Variants in TJP1 observed in about 807,000 individuals in gnomAD.
The protein encoded by TJP1 is tight junction protein ZO-1.
TJP1 carries 43 observed loss-of-function variants against 194.2 expected under a neutral mutation model. That is an observed-to-expected ratio of 0.22 (90% CI 0.17 to 0.29). The LOEUF is 0.29. Among genes scored for constraint, TJP1 ranks in the 10% least tolerant of loss-of-function variants. TJP1 has a pLI of 1.00. For synonymous variants in TJP1, 801 were observed against 779.0 expected (o/e 1.03, Z -0.47); for missense variants, 1,971 against 2,185.7 (o/e 0.90, Z 1.96).
At chr15:29,891,041 A>G (rs985307960) in intron 2 of TJP1, among the ~76,000 whole-genome samples, 5 of 152,240 alleles carry the variant, frequency 3.3e-5, no homozygotes, top group Non-Finnish European at 5.9e-5. Context: ...CTAGAGCAGC[A>G]TCTTTTCCAA....
intron 15 of TJP1, among the ~76,000 whole-genome samples, chr15:29,729,856 T>C (rs1255389647): frequency 6.7e-6 from 1 of 150,138 alleles, no homozygotes; most frequent in Non-Finnish European, 1.5e-5. Context: ...GAGGGTCATA[T>C]AGTGCCAGTG....
intron 25 of TJP1, among the ~76,000 whole-genome samples, chr15:29,706,211 G>T (rs1701898173): frequency 6.6e-6 from 1 of 152,186 alleles, no homozygotes; most frequent in Non-Finnish European, 1.5e-5. Context: ...GAGGTTACAG[G>T]CGTGAGCCAC....
chr15:29,835,886 G>GGAAAGAGAGA (rs1370466322), intron 2 of TJP1, among the ~76,000 whole-genome samples: 2 of 151,100 alleles, frequency 1.3e-5, no homozygotes, highest in African/African-American at 2.5e-5. Context: ...AGATGGACGG[G>GGAAAGAGAGA]GAAAGAGAGA....
intron 1 of TJP1, among the ~76,000 whole-genome samples, chr15:29,803,177 T>C (rs2048898490): frequency 1.3e-5 from 2 of 152,196 alleles, no homozygotes; most frequent in African/African-American, 4.8e-5. Flanking sequence ...CCTGCTTTCC[T>C]TTCTCCATTC....
At chr15:29,860,322 G>A (rs190674030) in intron 2 of TJP1, among the ~76,000 whole-genome samples, 283 of 152,170 alleles carry the variant, frequency 1.9e-3, no homozygotes, top group African/African-American at 6.5e-3. Context: ...GTAATTACAG[G>A]ACACCTATGC....
chr15:29,834,425 G>C (rs1004139144), intron 2 of TJP1, among the ~76,000 whole-genome samples: 7 of 151,416 alleles, frequency 4.6e-5, no homozygotes, highest in African/African-American at 1.7e-4. Context: ...TCACCATCGT[G>C]GCCAGGCTGT....
intron 2 of TJP1, among the ~76,000 whole-genome samples, chr15:29,919,402 T>C (rs142814081): frequency 6.6e-6 from 1 of 152,238 alleles, no homozygotes; most frequent in African/African-American, 2.4e-5. Flanking sequence ...TACAACAGTG[T>C]TTTTTGTCTA....
chr15:29,813,277 AG>A (rs2049658767), intron 1 of TJP1, among the ~76,000 whole-genome samples: 14 of 152,216 alleles, frequency 9.2e-5, no homozygotes, highest in Admixed American at 9.2e-4. Flanking sequence ...AGATAATCAT[AG>A]GAACACCAAA....
chr15:29,715,288 A>G (rs1460505390), intron 23 of TJP1, among the ~76,000 whole-genome samples: 1 of 152,168 alleles, frequency 6.6e-6, no homozygotes, highest in Non-Finnish European at 1.5e-5. Context: ...TCACAACACT[A>G]GTACAAGACA....
chr15:29,717,104 G>A (rs2042614268), intron 22 of TJP1, among the ~76,000 whole-genome samples: 1 of 152,124 alleles, frequency 6.6e-6, no homozygotes, highest in Non-Finnish European at 1.5e-5. Context: ...GGGAACAGCA[G>A]GTTAGAAGTA....
At chr15:29,752,101 C>CTT (rs199750785) in intron 8 of TJP1, among the ~76,000 whole-genome samples, 12 of 143,722 alleles carry the variant, frequency 8.3e-5, no homozygotes, top group East Asian at 2.0e-4. Flanking sequence ...GCTAAATACA[C>CTT]TTTTTTTTTT....
chr15:29,875,558 C>T (rs1435571861), intron 2 of TJP1, among the ~76,000 whole-genome samples: 1 of 152,008 alleles, frequency 6.6e-6, no homozygotes, highest in Non-Finnish European at 1.5e-5. Context: ...TTTGGTTCTT[C>T]ATATTTTTTT....
intron 23 of TJP1, among the ~76,000 whole-genome samples, chr15:29,715,297 C>T (rs1428237111): frequency 1.3e-5 from 2 of 152,076 alleles, no homozygotes; most frequent in Non-Finnish European, 2.9e-5. Context: ...TAGTACAAGA[C>T]ACGTTTTGCA....
chr15:29,714,431 G>C (rs772503842), intron 23 of TJP1, among the ~76,000 whole-genome samples: 1 of 151,346 alleles, frequency 6.6e-6, no homozygotes, highest in East Asian at 1.9e-4. Context: ...GTAGAGACAG[G>C]GTTTCACCAT....
At chr15:29,794,962 C>A (rs2048312890) in intron 2 of TJP1, among the ~76,000 whole-genome samples, 2 of 152,012 alleles carry the variant, frequency 1.3e-5, no homozygotes, top group Admixed American at 6.6e-5. Flanking sequence ...ATTGTCAAAC[C>A]TCTAGCCAGA....
chr15:29,853,136 G>A (rs2051710456), intron 2 of TJP1, among the ~76,000 whole-genome samples: 1 of 152,146 alleles, frequency 6.6e-6, no homozygotes, highest in African/African-American at 2.4e-5. Context: ...AGTAAAATAA[G>A]CCAATCCCAA....
At chr15:29,716,077 G>A (rs908534185) in intron 23 of TJP1, among the ~76,000 whole-genome samples, 3 of 152,238 alleles carry the variant, frequency 2.0e-5, no homozygotes, top group Non-Finnish European at 4.4e-5. Context: ...ATGAGTAAAC[G>A]GAGGGGAGCA....
chr15:29,725,804 A>C (rs1480249903), intron 18 of TJP1, among the ~76,000 whole-genome samples: 1 of 152,228 alleles, frequency 6.6e-6, no homozygotes, highest in Admixed American at 6.5e-5. Flanking sequence ...GAATGTTAAC[A>C]GGTGTTGAGT....
At position 29,946,412 on chromosome 15, in the gene TJP1, C is replaced by A. The variant is rs1386867901; in HGVS notation, c.306+9820G>T. 2.0e-5 allele frequency among the ~76,000 whole-genome samples: 3 copies of A among 152,204 alleles called. No individual in the cohort carries two copies. In the East Asian group the frequency reaches 5.8e-4, roughly 29 times the overall value. On this transcript the variant is annotated intron_variant, in intron 2 of 28. Transcript: ENST00000356107. ...CTCACCACAAAATACTAATGAATTA[C>A]CAAGAGGACCACATGGTGAATTAAG...
Sources: allele counts gnomAD v4.1 joint callset (sites outside exome capture counted in the v4.1 genomes callset), GRCh38; gene constraint gnomAD v4.1.1; transcripts MANE v1.5; gene names NCBI Gene and HGNC (gene_info 2026-07-23, HGNC 2026-07-21).